GLIS3: variants seen among roughly 807,000 people sequenced by gnomAD.
GLIS3 encodes the protein zinc finger protein GLIS3.
GLIS3 carries 53 observed loss-of-function variants against 78.6 expected under a neutral mutation model. That is an observed-to-expected ratio of 0.67 (90% CI 0.54 to 0.85). The LOEUF (loss-of-function observed/expected upper bound fraction) is 0.85, where lower values mean the gene tolerates loss of function less well. Among genes scored for constraint, GLIS3 ranks in the 40% least tolerant of loss-of-function variants. The pLI, the probability that GLIS3 is intolerant of heterozygous loss-of-function variation, is 0.00. For missense variants in GLIS3, 1,703 were observed against 1,231.1 expected (o/e 1.38, Z -5.74); for synonymous variants, 684 against 509.9 (o/e 1.34, Z -4.60).
chr9:4,342,441 T>A (rs575622972), intron 2 of GLIS3, among the ~76,000 whole-genome samples: 1 of 152,232 alleles, frequency 6.6e-6, no homozygotes, highest in African/African-American at 2.4e-5. Flanking sequence ...CTCTATTCTG[T>A]TCCATTGGTC....
intron 2 of GLIS3, among the ~76,000 whole-genome samples, chr9:4,245,640 G>A (rs1250730473): frequency 6.6e-6 from 1 of 152,234 alleles, no homozygotes; most frequent in Non-Finnish European, 1.5e-5. Flanking sequence ...CAATGGCACG[G>A]AGAAAGGATT....
At chr9:4,465,478 G>C in the GLIS3 span, among the ~76,000 whole-genome samples, 1 of 152,198 alleles carries the variant, frequency 6.6e-6, no homozygotes, top group Admixed American at 6.5e-5. Flanking sequence ...GAACCCGGAA[G>C]ACAGAGGCTG....
chr9:4,339,526 G>A (rs1224821941), intron 2 of GLIS3, among the ~76,000 whole-genome samples: 2 of 151,446 alleles, frequency 1.3e-5, no homozygotes, highest in African/African-American at 4.9e-5. Context: ...AGGCCAAATA[G>A]GTGCAGAGGT....
chr9:3,871,406 C>G (rs1184202885), intron 8 of GLIS3, among the ~76,000 whole-genome samples: 1 of 152,230 alleles, frequency 6.6e-6, no homozygotes, highest in Non-Finnish European at 1.5e-5. Context: ...TCCAACCCCA[C>G]ATTTCCCTTT....
At chr9:4,467,343 T>A in the GLIS3 span, among the ~76,000 whole-genome samples, 2 of 152,112 alleles carry the variant, frequency 1.3e-5, no homozygotes, top group Middle Eastern at 3.2e-3. Flanking sequence ...CTCAAGTGGG[T>A]CCCTGAGCCC....
the GLIS3 span, among the ~76,000 whole-genome samples, chr9:4,468,178 C>T: frequency 1.5e-3 from 231 of 152,278 alleles, 1 homozygote; most frequent in Admixed American, 3.8e-3. Flanking sequence ...CTGAAAGTGA[C>T]GGGCAGAGTG....
At chr9:3,905,345 A>T (rs919443199) in intron 6 of GLIS3, among the ~76,000 whole-genome samples, 3 of 151,938 alleles carry the variant, frequency 2.0e-5, no homozygotes, top group Admixed American at 2.0e-4. Context: ...TCTAGGAGGG[A>T]AAGAACCTGG....
intron 6 of GLIS3, among the ~76,000 whole-genome samples, chr9:3,910,892 T>G (rs992495791): frequency 6.6e-6 from 1 of 152,178 alleles, no homozygotes; most frequent in South Asian, 2.1e-4. Context: ...ATATAACATG[T>G]TATTCCATTC....
intron 6 of GLIS3, among the ~76,000 whole-genome samples, chr9:3,916,831 T>G (rs1824544615): frequency 1.3e-5 from 2 of 152,196 alleles, no homozygotes; most frequent in South Asian, 4.1e-4. Context: ...AGCTTTAAGT[T>G]CAATTGCTCT....
intron 2 of GLIS3, among the ~76,000 whole-genome samples, chr9:4,224,927 A>G (rs1821640792): frequency 6.6e-6 from 1 of 151,934 alleles, no homozygotes; most frequent in Admixed American, 6.6e-5. Context: ...TTAGATCACG[A>G]TTATCACTAT....
the GLIS3 span, among the ~76,000 whole-genome samples, chr9:4,437,434 A>ATCTATCTG: frequency 1.3e-5 from 2 of 150,786 alleles, no homozygotes; most frequent in African/African-American, 4.9e-5. Flanking sequence ...CTATCTATCT[A>ATCTATCTG]TCTATCTATC....
intron 2 of GLIS3, among the ~76,000 whole-genome samples, chr9:4,339,443 AT>A (rs1231235897): frequency 6.6e-6 from 1 of 152,074 alleles, no homozygotes; most frequent in East Asian, 1.9e-4. Flanking sequence ...AAAGAATGAC[AT>A]TTATATAGAC....
Position 4,020,033 on chromosome 9 carries a change from G to A in GLIS3, c.1711-82844C>T, listed in dbSNP as rs1235550327. ...CCCAAAGCACTGGGATTACAGGCATGAGCCACTGCACCTAGCCTACAATTT... is the reference window on the plus strand; with the variant it reads ...CCCAAAGCACTGGGATTACAGGCATAAGCCACTGCACCTAGCCTACAATTT... On this transcript the variant is annotated intron_variant, in intron 4 of 10. Coordinates refer to ENST00000381971, the MANE Select transcript of GLIS3 (RefSeq NM_001042413.2). 2.0e-5 allele frequency among the ~76,000 whole-genome samples: 3 copies of A among 152,148 alleles called. 1 individual carries two copies. In the South Asian group the frequency reaches 6.2e-4, roughly 32 times the overall value.
intron 2 of GLIS3, among the ~76,000 whole-genome samples, chr9:4,137,396 A>G (rs1234889897): frequency 6.6e-6 from 1 of 152,212 alleles, no homozygotes; most frequent in African/African-American, 2.4e-5. Flanking sequence ...CTTAGTCAGC[A>G]TTCAGGAATG....
At chr9:4,141,090 G>T (rs970148598) in intron 2 of GLIS3, among the ~76,000 whole-genome samples, 4 of 152,164 alleles carry the variant, frequency 2.6e-5, no homozygotes, top group African/African-American at 9.7e-5. Flanking sequence ...GTGAGCCACC[G>T]TGCCTGGCCA....
intron 2 of GLIS3, among the ~76,000 whole-genome samples, chr9:4,181,236 G>T (rs12344163): frequency 6.6e-6 from 1 of 152,218 alleles, no homozygotes; most frequent in Non-Finnish European, 1.5e-5. Context: ...CCACCCATCT[G>T]CTGGACACTA....
chr9:4,383,409 T>C, the GLIS3 span, among the ~76,000 whole-genome samples: 6 of 152,238 alleles, frequency 3.9e-5, no homozygotes, highest in Non-Finnish European at 7.3e-5. Context: ...TCTTGATTCA[T>C]GGATAAGCAA....
At chr9:4,106,214 C>T (rs183288667) in intron 4 of GLIS3, among the ~76,000 whole-genome samples, 1 of 152,168 alleles carries the variant, frequency 6.6e-6, no homozygotes, top group African/African-American at 2.4e-5. Flanking sequence ...TCTAAAGCCA[C>T]TGGAAAGCAC....
rs561935888 is a variant in GLIS3, at chr9:4,190,176, G to A, written c.389-64235C>T. On this transcript the variant is annotated intron_variant, in intron 2 of 10. Coordinates refer to ENST00000381971, the MANE Select transcript of GLIS3 (RefSeq NM_001042413.2). ...TCCTCACCAGCAACGGAACAAAGCTGGACGGAGAATGACTTTGACGAGTTG... is the reference window on the plus strand; with the variant it reads ...TCCTCACCAGCAACGGAACAAAGCTAGACGGAGAATGACTTTGACGAGTTG... Among the ~76,000 whole-genome samples, 87 of 152,300 alleles carry A rather than the reference G, an allele frequency of 5.7e-4. 1 individual carries two copies. Among genetic ancestry groups the A allele is most frequent in the South Asian group, 1.0e-3 (5 of 4,824 alleles).
Sources: gnomAD v4.1 joint callset for allele counts (sites outside exome capture counted in the v4.1 genomes callset) on GRCh38, gnomAD v4.1.1 for gene constraint, MANE v1.5 for transcripts, NCBI Gene and HGNC (gene_info 2026-07-23, HGNC 2026-07-21) for gene names.